Variants in KCNIP1 observed in about 807,000 individuals in gnomAD.
KCNIP1 encodes A-type potassium channel modulatory protein KCNIP1.
Under a neutral mutation model 33.0 loss-of-function variants are expected in KCNIP1, and 18 were observed. The ratio of observed to expected loss-of-function variants is 0.55; its 90% CI spans 0.38 to 0.81. KCNIP1 has a LOEUF of 0.81. KCNIP1 is among the 30% of genes least tolerant of loss of function. KCNIP1 has a pLI of 0.00. For synonymous variants in KCNIP1, 93 were observed against 98.3 expected, an observed-to-expected ratio of 0.95 and a Z score of 0.32; for missense variants, 238 against 271.6, an observed-to-expected ratio of 0.88 and a Z score of 0.87.
intron 1 of KCNIP1, among the ~76,000 whole-genome samples, chr5:170,449,697 A>G (rs553061624): frequency 4.7e-4 from 71 of 152,330 alleles, no homozygotes; most frequent in African/African-American, 1.7e-3. Flanking sequence ...GTGTATGTTA[A>G]ATGCTGAGTG....
intron 1 of KCNIP1, chr5:170,383,604 AC>A: frequency 6.5e-7 from 1 of 1,527,536 alleles, no homozygotes; most frequent in South Asian, 1.1e-5. Context: ...AGCCTCGGGG[AC>A]AGGGACAGTT....
At chr5:170,394,671 C>T (rs1250203947) in intron 1 of KCNIP1, among the ~76,000 whole-genome samples, 2 of 152,090 alleles carry the variant, frequency 1.3e-5, no homozygotes, top group African/African-American at 2.4e-5. Flanking sequence ...GTGATGCTGA[C>T]GTTTGAGCTT....
intron 1 of KCNIP1, among the ~76,000 whole-genome samples, chr5:170,665,555 T>C (rs1581469331): frequency 6.6e-6 from 1 of 152,330 alleles, no homozygotes; most frequent in Non-Finnish European, 1.5e-5. Flanking sequence ...CCTGCACACC[T>C]GGTGAGCCCC....
At chr5:170,579,047 T>C (rs948417822) in intron 1 of KCNIP1, among the ~76,000 whole-genome samples, 1 of 152,194 alleles carries the variant, frequency 6.6e-6, no homozygotes, top group Non-Finnish European at 1.5e-5. Flanking sequence ...TAATGCTGTG[T>C]AACAAACCAT....
intron 1 of KCNIP1, among the ~76,000 whole-genome samples, chr5:170,560,960 CAAG>C (rs1387854313): frequency 4.6e-5 from 7 of 152,126 alleles, no homozygotes; most frequent in Non-Finnish European, 4.4e-5. Flanking sequence ...ATTCTTCTCA[CAAG>C]AAGGAGTCCC....
rs561170707 is a variant in KCNIP1, at chr5:170,474,015, A to C, written c.88+120051A>C. ...CAAAATATGACTGTAGGCGACCAGG[A>C]ATCTGCCACAGCAAAATCTACTTTG... On this transcript the variant is annotated intron_variant, in intron 1 of 7. Transcript: ENST00000377360. 2.6e-5 allele frequency among the ~76,000 whole-genome samples: 4 copies of C among 152,346 alleles called. No homozygotes were observed. The South Asian group carries it at 8.3e-4, about 32-fold the overall frequency.
intron 1 of KCNIP1, among the ~76,000 whole-genome samples, chr5:170,711,770 G>A (rs1763453856): frequency 2.6e-5 from 4 of 152,160 alleles, no homozygotes; most frequent in Admixed American, 2.6e-4. Context: ...CTCACCAGAA[G>A]GATCAAAGGG....
intron 1 of KCNIP1, among the ~76,000 whole-genome samples, chr5:170,716,666 C>T (rs1012652978): frequency 6.6e-6 from 1 of 152,168 alleles, no homozygotes; most frequent in Non-Finnish European, 1.5e-5. Context: ...CCAGTTCCTC[C>T]TTAATGAAGT....
intron 1 of KCNIP1, among the ~76,000 whole-genome samples, chr5:170,627,064 C>T (rs1421206114): frequency 6.6e-6 from 1 of 152,132 alleles, no homozygotes; most frequent in Non-Finnish European, 1.5e-5. Flanking sequence ...CCGTGTCTTT[C>T]CTGGGGGCCA....
At chr5:170,697,047 A>G (rs1762922001) in intron 1 of KCNIP1, among the ~76,000 whole-genome samples, 1 of 148,684 alleles carries the variant, frequency 6.7e-6, no homozygotes, top group Non-Finnish European at 1.5e-5. Flanking sequence ...CTCCTCCTCC[A>G]TCTCCTCCTC....
intron 1 of KCNIP1, among the ~76,000 whole-genome samples, chr5:170,409,321 TGCCTTCAGGGTCTTGAG>T (rs1183269572): frequency 1.3e-5 from 2 of 152,170 alleles, no homozygotes; most frequent in African/African-American, 4.8e-5. Flanking sequence ...TGGGACCACC[TGCCTTCAGGGTCTTGAG>T]GCCTCAAAAA....
At chr5:170,491,588 T>C (rs1417218921) in intron 1 of KCNIP1, among the ~76,000 whole-genome samples, 1 of 152,170 alleles carries the variant, frequency 6.6e-6, no homozygotes, top group African/African-American at 2.4e-5. Context: ...CTCCAGATAT[T>C]TGTGGTTTAA....
chr5:170,546,266 A>T (rs764417952), intron 1 of KCNIP1, among the ~76,000 whole-genome samples: 10 of 152,184 alleles, frequency 6.6e-5, no homozygotes, highest in Admixed American at 2.6e-4. Context: ...ACAGGGATTT[A>T]TGTCAGGCCC....
chr5:170,378,599 T>A, intron 1 of KCNIP1: 1 of 1,181,682 alleles, frequency 8.5e-7, no homozygotes, highest in African/African-American at 1.5e-5. Flanking sequence ...ACTGGAAGAG[T>A]GGGAGGGCAG....
chr5:170,665,947 C>G (rs1477184584), intron 1 of KCNIP1, among the ~76,000 whole-genome samples: 2 of 152,174 alleles, frequency 1.3e-5, no homozygotes, highest in African/African-American at 4.8e-5. Context: ...CACGACCTAT[C>G]ACTGCTGATG....
At chr5:170,568,769 G>A (rs993575294) in intron 1 of KCNIP1, among the ~76,000 whole-genome samples, 2 of 151,588 alleles carry the variant, frequency 1.3e-5, no homozygotes, top group African/African-American at 4.8e-5. Flanking sequence ...GTTGCAGTGA[G>A]CCAAGATCAC....
intron 5 of KCNIP1, among the ~76,000 whole-genome samples, chr5:170,728,536 T>C (rs1376874080): frequency 6.6e-6 from 1 of 152,160 alleles, no homozygotes; most frequent in Non-Finnish European, 1.5e-5. Context: ...AGCCAATATA[T>C]CAGTTGTGAC....
At chr5:170,369,256 A>C (rs560248071) in intron 1 of KCNIP1, among the ~76,000 whole-genome samples, 7 of 152,238 alleles carry the variant, frequency 4.6e-5, no homozygotes, top group Non-Finnish European at 1.0e-4. Flanking sequence ...GGGATAATGA[A>C]AATCCTGGTG....
At chr5:170,683,696 T>G (rs2113800163) in intron 1 of KCNIP1, among the ~76,000 whole-genome samples, 1 of 152,106 alleles carries the variant, frequency 6.6e-6, no homozygotes, top group East Asian at 1.9e-4. Context: ...CCTTCGGCCC[T>G]TGATCTTATT....
Sources: allele counts gnomAD v4.1 joint callset (sites outside exome capture counted in the v4.1 genomes callset), GRCh38; gene constraint gnomAD v4.1.1; transcripts MANE v1.5; gene names NCBI Gene and HGNC (gene_info 2026-07-23, HGNC 2026-07-21).